Variants in RBL2 observed in about 807,000 individuals in gnomAD.
RBL2 encodes retinoblastoma-like protein 2.
In RBL2, 56 loss-of-function variants were observed where a neutral mutation model predicts 126.0. That is an observed-to-expected ratio of 0.44 (90% CI 0.36 to 0.56). RBL2 has a LOEUF of 0.56. Among genes scored for constraint, RBL2 ranks in the 20% least tolerant of loss-of-function variants. The pLI, the probability that RBL2 is intolerant of heterozygous loss-of-function variation, is 0.00. For synonymous variants in RBL2, 454 were observed against 478.5 expected (o/e 0.95, Z 0.67); for missense variants, 1,229 against 1,398.2 (o/e 0.88, Z 1.93).
At chr16:53,488,440 A>C (rs1287422484) in intron 21 of RBL2, 2 of 152,192 alleles carry the variant, frequency 1.3e-5, no homozygotes, top group African/African-American at 4.8e-5. Flanking sequence ...GACTGTAGGT[A>C]TTTCTAGCAC....
In RBL2 at chr16:53,490,052, T is replaced by G. The variant is rs993178872; in HGVS notation, c.3250-78T>G. On this transcript the variant is annotated intron_variant, in intron 21 of 21. Coordinates refer to ENST00000262133, the MANE Select transcript of RBL2 (RefSeq NM_005611.4). ...ACTCTTCCAGGGTAAACTGCTTAAC[T>G]CATTTGAGATTCTTTGACTTAATAC... 1.0e-5 allele frequency: 12 copies of G among 1,159,656 alleles called. No homozygotes were observed. In the African/African-American group the frequency reaches 1.7e-4, roughly 16 times the overall value. The allele number at this position is 1,159,656 out of a possible 1,614,324, so 71.8% of individuals were successfully genotyped here.
chr16:53,474,635 T>C (rs1219708353), intron 17 of RBL2, among the ~76,000 whole-genome samples: 1 of 152,212 alleles, frequency 6.6e-6, no homozygotes, highest in Non-Finnish European at 1.5e-5. Context: ...TTTTATATGT[T>C]GCTAGGTTTG....
chr16:53,482,605 T>A (rs2150827405), intron 21 of RBL2, among the ~76,000 whole-genome samples: 1 of 151,518 alleles, frequency 6.6e-6, no homozygotes, highest in South Asian at 2.1e-4. Flanking sequence ...AGGTCAGGAG[T>A]TCAAGACCAG....
chr16:53,457,277 T>TTTTTTG (rs1213898728), intron 8 of RBL2, among the ~76,000 whole-genome samples: 8 of 139,974 alleles, frequency 5.7e-5, no homozygotes, highest in Admixed American at 1.5e-4. Context: ...TTTTTTTTTT[T>TTTTTTG]GAGATGGAGT....
intron 21 of RBL2, chr16:53,488,247 A>G (rs1961252791): frequency 1.3e-5 from 2 of 152,208 alleles, no homozygotes; most frequent in African/African-American, 2.4e-5. Flanking sequence ...GATATATTCA[A>G]TGTAGATAAA....
Position 53,490,177 on chromosome 16 carries a change from T to C in RBL2, c.3297T>C (p.Thr1099=), listed in dbSNP as rs748372003. 8.1e-6 allele frequency: 13 copies of C among 1,612,492 alleles called. No homozygotes were observed. The highest frequency in any genetic ancestry group is 1.1e-5 in the Non-Finnish European group (13 of 1,178,982). The part of the protein sequence containing the change: ...NSMIRTGETP[T]KKRGILLEDG... Reference sequence around the variant, plus strand: ...TGATACGCACAGGAGAAACTCCTACTAAAAAGAGAGGAATTCTTTTGGAAG... The same window carrying C: ...TGATACGCACAGGAGAAACTCCTACCAAAAAGAGAGGAATTCTTTTGGAAG... The change falls in exon 22 of 22, where the codon ACT becomes ACC. Residue 1099 remains threonine, a synonymous_variant. Coordinates refer to ENST00000262133, the MANE Select transcript of RBL2 (RefSeq NM_005611.4).
chr16:53,442,615 C>T (rs2058026731), intron 2 of RBL2, 43 bp from the exon 3 acceptor site: 1 of 1,417,598 alleles, frequency 7.1e-7, no homozygotes. Context: ...TATACTTTAG[C>T]CTTATGTTAA....
intron 17 of RBL2, 73 bp downstream of exon 17, chr16:53,470,995 G>A: frequency 7.0e-7 from 1 of 1,430,170 alleles, no homozygotes; most frequent in South Asian, 1.3e-5. Flanking sequence ...CCACTGTCTT[G>A]AGATACAGTT....
intron 21 of RBL2, among the ~76,000 whole-genome samples, chr16:53,484,500 T>C (rs1961083138): frequency 6.6e-6 from 1 of 152,202 alleles, no homozygotes; most frequent in African/African-American, 2.4e-5. Context: ...AATATTTACT[T>C]GGCAATAAAA....
intron 2 of RBL2, among the ~76,000 whole-genome samples, chr16:53,440,091 T>C (rs1219624608): frequency 6.6e-6 from 1 of 151,898 alleles, no homozygotes; most frequent in Non-Finnish European, 1.5e-5. Context: ...AGGTCAAGAA[T>C]TGGAGATCAG....
intron 2 of RBL2, among the ~76,000 whole-genome samples, chr16:53,440,614 C>A (rs572003826): frequency 4.6e-5 from 7 of 152,264 alleles, no homozygotes; most frequent in Admixed American, 3.9e-4. Context: ...GGTGCAGGGG[C>A]GTGATCTCAG....
At chr16:53,445,581 C>T (rs1165478771) in intron 3 of RBL2, among the ~76,000 whole-genome samples, 2 of 152,106 alleles carry the variant, frequency 1.3e-5, no homozygotes, top group Non-Finnish European at 2.9e-5. Context: ...TGGCCAGGGT[C>T]GCACAACCAA....
At chr16:53,488,823 A>G (rs760376528) in intron 21 of RBL2, 37 of 152,194 alleles carry the variant, frequency 2.4e-4, no homozygotes, top group Non-Finnish European at 5.1e-4. Flanking sequence ...GAAATATTCA[A>G]GCAAATGGGA....
intron 1 of RBL2, chr16:53,435,482 G>A: frequency 1.1e-6 from 1 of 912,306 alleles, no homozygotes; most frequent in African/African-American, 1.8e-5. Context: ...TGTTGTTGTT[G>A]CGATCCGGGT....
intron 21 of RBL2, chr16:53,488,265 T>G (rs924181247): frequency 6.6e-6 from 1 of 152,236 alleles, no homozygotes; most frequent in Non-Finnish European, 1.5e-5. Flanking sequence ...AAATCTCAAA[T>G]GCATCAATGC....
Position 53,470,916 on chromosome 16 carries a change from G to A in RBL2, c.2697G>A (p.Met899Ile). The change falls in exon 17 of 22, where the codon ATG becomes ATA. Residue 899 changes from methionine to isoleucine, a missense_variant. Physicochemically the swap from Met to Ile is conservative, Grantham distance 10. Coordinates refer to ENST00000262133, the MANE Select transcript of RBL2 (RefSeq NM_005611.4). ...TATTAATGTGTGCCATTTATGTGAT[G>A]GCAAAGGTGAGTACCATTTGGAATT... ...DQLLMCAIYV[M>I]AKVTKEDKSF... 6.2e-7 allele frequency: 1 copy of A among 1,610,956 alleles called. No homozygotes were observed. The highest frequency in any genetic ancestry group is 8.5e-7 in the Non-Finnish European group (1 of 1,179,000).
chr16:53,483,942 A>AG (rs1359185509), intron 21 of RBL2, among the ~76,000 whole-genome samples: 2 of 142,514 alleles, frequency 1.4e-5, no homozygotes, highest in African/African-American at 5.9e-5. Flanking sequence ...AAAAAAAAAA[A>AG]AGGTGTAAAG....
chr16:53,480,375 G>A, intron 19 of RBL2, 192 bp from the exon 20 acceptor site: 1 of 591,882 alleles, frequency 1.7e-6, no homozygotes, highest in Non-Finnish European at 3.0e-6. Flanking sequence ...GAAAGCCCTT[G>A]CTATGGTTAT....
chr16:53,442,624 AAT>A, intron 2 of RBL2, 32 bp from the exon 3 acceptor site: 1 of 1,490,412 alleles, frequency 6.7e-7, no homozygotes, highest in Non-Finnish European at 9.3e-7. Context: ...GCCTTATGTT[AAT>A]TATGAAATAT....
Sources: allele counts gnomAD v4.1 joint callset (sites outside exome capture counted in the v4.1 genomes callset), GRCh38; gene constraint gnomAD v4.1.1; transcripts MANE v1.5; gene names NCBI Gene and HGNC (gene_info 2026-07-23, HGNC 2026-07-21).